Variants in SRBD1 observed in about 807,000 individuals in gnomAD.
SRBD1 encodes the protein S1 RNA-binding domain-containing protein 1.
Under a neutral mutation model 115.3 loss-of-function variants are expected in SRBD1, and 88 were observed. The ratio of observed to expected loss-of-function variants is 0.76; its 90% CI spans 0.64 to 0.91. The LOEUF is 0.91. SRBD1 is among the 40% of genes least tolerant of loss of function. The pLI is 0.00. For synonymous variants in SRBD1, 509 were observed against 407.7 expected (o/e 1.25, Z -2.99); for missense variants, 1,385 against 1,177.4 (o/e 1.18, Z -2.58).
intron 13 of SRBD1, 27 bp downstream of exon 13, chr2:45,547,495 T>C (rs1440319307): frequency 1.3e-5 from 21 of 1,598,054 alleles, no homozygotes; most frequent in Non-Finnish European, 1.5e-5. Flanking sequence ...GCCACTGATA[T>C]ATTCAAAAGA....
chr2:45,454,221 T>A lies in SRBD1; in HGVS notation c.2049+22772A>T, dbSNP rs1408745716. On this transcript the variant is annotated intron_variant, in intron 16 of 20. Coordinates refer to ENST00000263736, the MANE Select transcript of SRBD1 (RefSeq NM_018079.5). The stretch of plus-strand genomic sequence containing the variant: ...AGTAAAAGCAAAAATGTAATCCAAT[T>A]TACCCCATTGTCAATGTGTAAGATC... Among the ~76,000 whole-genome samples the A allele has an allele frequency of 2.0e-5, 3 of 151,898 alleles. No individual in the cohort carries two copies. In the East Asian group the frequency reaches 5.8e-4, roughly 29 times the overall value.
At chr2:45,403,020 A>G (rs74433901) in intron 19 of SRBD1, among the ~76,000 whole-genome samples, 2,973 of 152,262 alleles carry the variant, frequency 0.02, 79 homozygotes, top group African/African-American at 0.068. Flanking sequence ...ACACAACACA[A>G]CAAACTCACT....
chr2:45,499,986 GT>G (rs1332612893), intron 14 of SRBD1, among the ~76,000 whole-genome samples: 2 of 151,956 alleles, frequency 1.3e-5, no homozygotes, highest in African/African-American at 4.8e-5. Flanking sequence ...GGGGTCTTTT[GT>G]TGTTTCATTT....
chr2:45,515,678 G>T (rs1671097933), intron 14 of SRBD1, among the ~76,000 whole-genome samples: 1 of 152,120 alleles, frequency 6.6e-6, no homozygotes, highest in South Asian at 2.1e-4. Flanking sequence ...TCACTATGCT[G>T]TTTCTCCTCC....
At chr2:45,496,620 C>A (rs1269121190) in intron 14 of SRBD1, among the ~76,000 whole-genome samples, 4 of 152,148 alleles carry the variant, frequency 2.6e-5, no homozygotes, top group Non-Finnish European at 1.5e-5. Context: ...TGCTTCTATA[C>A]TGTACTGTTA....
At position 45,574,689 on chromosome 2, in the gene SRBD1, C is replaced by A. The variant is rs1232603261; in HGVS notation, c.1107G>T (p.Val369=). The A allele has an allele frequency of 6.2e-7, 1 of 1,613,750 alleles. No homozygotes were observed. The highest frequency in any genetic ancestry group is 1.1e-5 in the South Asian group (1 of 91,012). ...CAATCATATCTGCTAAAATATGCTGCACTCCTATTTCAATATCCTGAAGCG... is the reference window on the plus strand; with the variant it reads ...CAATCATATCTGCTAAAATATGCTGAACTCCTATTTCAATATCCTGAAGCG... ...LSTLQDIEIG[V]QHILADMIAK... is the part of the protein sequence containing the mutation. The change falls in exon 8 of 21, where the codon GTG becomes GTT. Residue 369 remains valine (V), a synonymous_variant. Coordinates refer to ENST00000263736, the MANE Select transcript of SRBD1 (RefSeq NM_018079.5).
chr2:45,414,484 T>TACAC (rs138360643), intron 18 of SRBD1, among the ~76,000 whole-genome samples: 23,997 of 147,848 alleles, frequency 0.16, 2,471 homozygotes, highest in African/African-American at 0.3. Flanking sequence ...AGTGTGTGTG[T>TACAC]ACAGTGTGTA....
chr2:45,497,113 A>C (rs1670483798), intron 14 of SRBD1, among the ~76,000 whole-genome samples: 1 of 152,204 alleles, frequency 6.6e-6, no homozygotes, highest in South Asian at 2.1e-4. Flanking sequence ...GTAAATATTT[A>C]GGAGACATAA....
At chr2:45,404,507 A>T (rs1416662395) in intron 19 of SRBD1, among the ~76,000 whole-genome samples, 1 of 152,044 alleles carries the variant, frequency 6.6e-6, no homozygotes, top group East Asian at 1.9e-4. Context: ...GCCATTTGTA[A>T]CCAGTTACTA....
chr2:45,513,364 T>C (rs1671027207), intron 14 of SRBD1, among the ~76,000 whole-genome samples: 1 of 151,856 alleles, frequency 6.6e-6, no homozygotes, highest in African/African-American at 2.4e-5. Flanking sequence ...AGTCTAGTTA[T>C]GTAACAAGGG....
chr2:45,582,867 G>A (rs932150574), intron 5 of SRBD1, among the ~76,000 whole-genome samples: 1 of 152,070 alleles, frequency 6.6e-6, no homozygotes, highest in Non-Finnish European at 1.5e-5. Flanking sequence ...TGCTCAGGAT[G>A]GGCACACCTA....
intron 14 of SRBD1, among the ~76,000 whole-genome samples, chr2:45,525,401 G>C (rs1018689513): frequency 6.6e-6 from 1 of 151,934 alleles, no homozygotes; most frequent in Non-Finnish European, 1.5e-5. Context: ...TTGGATAAGG[G>C]ACTTGTATCC....
At chr2:45,566,561 G>C (rs942179080) in intron 9 of SRBD1, among the ~76,000 whole-genome samples, 2 of 152,168 alleles carry the variant, frequency 1.3e-5, no homozygotes, top group Non-Finnish European at 2.9e-5. Flanking sequence ...AAATATTTGG[G>C]AGAAAAATGT....
intron 16 of SRBD1, among the ~76,000 whole-genome samples, chr2:45,461,310 C>G (rs527516122): frequency 1.4e-4 from 22 of 152,120 alleles, no homozygotes; most frequent in Non-Finnish European, 2.8e-4. Flanking sequence ...TACTGATTTC[C>G]AAGTCTTCCT....
intron 14 of SRBD1, among the ~76,000 whole-genome samples, chr2:45,525,687 A>G (rs887595380): frequency 6.6e-6 from 1 of 152,062 alleles, no homozygotes; most frequent in Non-Finnish European, 1.5e-5. Flanking sequence ...ATCATGTTGT[A>G]CATGATACCT....
At chr2:45,419,710 CCTT>C (rs969756301) in intron 17 of SRBD1, 75 bp downstream of exon 17, 37 of 1,293,968 alleles carry the variant, frequency 2.9e-5, no homozygotes, top group African/African-American at 2.8e-4. Flanking sequence ...ACACGTGTTC[CCTT>C]CTTCTAGCCG....
At chr2:45,430,895 T>C (rs1033423266) in intron 16 of SRBD1, among the ~76,000 whole-genome samples, 7 of 152,306 alleles carry the variant, frequency 4.6e-5, no homozygotes, top group Admixed American at 4.6e-4. Context: ...AATCTATCCA[T>C]CTGACAAAGG....
intron 16 of SRBD1, among the ~76,000 whole-genome samples, chr2:45,428,106 C>T (rs560004279): frequency 2.6e-5 from 4 of 152,248 alleles, no homozygotes; most frequent in East Asian, 3.9e-4. Flanking sequence ...GGAAGTAAAA[C>T]GCTCCTCAGC....
intron 20 of SRBD1, 100 bp from the exon 21 acceptor site, chr2:45,389,699 A>G: frequency 8.6e-7 from 1 of 1,165,344 alleles, no homozygotes; most frequent in Non-Finnish European, 1.2e-6. Flanking sequence ...TGCCCAGACC[A>G]ATATTAAAGA....
Sources: gnomAD v4.1 joint callset for allele counts (sites outside exome capture counted in the v4.1 genomes callset) on GRCh38, gnomAD v4.1.1 for gene constraint, MANE v1.5 for transcripts, NCBI Gene and HGNC (gene_info 2026-07-23, HGNC 2026-07-21) for gene names.